The following MPP7 variants were observed in gnomAD, a reference collection of about 807,000 sequenced individuals.
The protein encoded by MPP7 is MAGUK p55 subfamily member 7.
A neutral mutation model predicts 76.5 loss-of-function variants in MPP7; 60 were observed. The observed-to-expected ratio is 0.78, with a 90% CI of 0.64 to 0.97. The LOEUF (loss-of-function observed/expected upper bound fraction) is 0.97. MPP7 is among the 50% of genes least tolerant of loss of function. The pLI is 0.00. For missense variants in MPP7, 641 were observed against 694.0 expected, an observed-to-expected ratio of 0.92 and a Z score of 0.86; for synonymous variants, 237 against 244.5, an observed-to-expected ratio of 0.97 and a Z score of 0.29.
At chr10:28,294,348 T>C (rs577070118) in intron 1 of MPP7, among the ~76,000 whole-genome samples, 25 of 152,288 alleles carry the variant, frequency 1.6e-4, no homozygotes, top group African/African-American at 5.8e-4. Context: ...AAAGTTGTCA[T>C]AGTACAGGCG....
chr10:28,190,454 C>T (rs983887795), intron 3 of MPP7, among the ~76,000 whole-genome samples: 2 of 152,092 alleles, frequency 1.3e-5, no homozygotes, highest in East Asian at 1.9e-4. Flanking sequence ...TAAATCTAAA[C>T]GAACAAAAAC....
chr10:28,273,716 T>C (rs1411674393), intron 1 of MPP7, among the ~76,000 whole-genome samples: 1 of 152,254 alleles, frequency 6.6e-6, no homozygotes, highest in Non-Finnish European at 1.5e-5. Flanking sequence ...TCCTCTTCTT[T>C]GCAGAACGCA....
At chr10:28,327,232 A>T (rs1834425392) in intron 2 of MPP7, among the ~76,000 whole-genome samples, 1 of 39,148 alleles carries the variant, frequency 2.6e-5, no homozygotes, top group Non-Finnish European at 4.7e-5. Context: ...TCAAAGAAGT[A>T]AAAAAAAAAA....
Position 28,261,645 on chromosome 10 carries a change from T to A in MPP7, c.-131-22910A>T, listed in dbSNP as rs1046593333. On this transcript the variant is annotated intron_variant, in intron 1 of 16. Transcript: ENST00000683449. The stretch of plus-strand genomic sequence containing the variant: ...CAGACACACCCCAATGACAATGACG[T>A]AGAACACCCTCCAATGTAGTACAAG... 3.5e-4 allele frequency among the ~76,000 whole-genome samples: 53 copies of A among 151,842 alleles called. 1 individual carries two copies. The highest frequency in any genetic ancestry group is 1.1e-3 in the African/African-American group (44 of 41,480).
At chr10:28,310,957 A>G (rs1841286481) in intron 2 of MPP7, among the ~76,000 whole-genome samples, 1 of 152,192 alleles carries the variant, frequency 6.6e-6, no homozygotes. Context: ...CTTAGCTAAA[A>G]TTACAGGTTT....
At chr10:28,161,918 T>A (rs934574570) in intron 3 of MPP7, among the ~76,000 whole-genome samples, 1 of 152,176 alleles carries the variant, frequency 6.6e-6, no homozygotes, top group Non-Finnish European at 1.5e-5. Context: ...AACAGATAGG[T>A]AAAATCTGAT....
At chr10:28,177,987 T>C (rs1836932632) in intron 3 of MPP7, among the ~76,000 whole-genome samples, 2 of 152,150 alleles carry the variant, frequency 1.3e-5, no homozygotes, top group Admixed American at 1.3e-4. Flanking sequence ...TGAAGAGCCA[T>C]GGAGAAAAAT....
At chr10:28,322,237 T>C (rs1834375284) in intron 2 of MPP7, among the ~76,000 whole-genome samples, 1 of 152,032 alleles carries the variant, frequency 6.6e-6, no homozygotes, top group African/African-American at 2.4e-5. Flanking sequence ...GATGGTGTGG[T>C]GCTGAAACAG....
At chr10:28,269,674 G>T (rs796081953) in intron 1 of MPP7, among the ~76,000 whole-genome samples, 1 of 151,496 alleles carries the variant, frequency 6.6e-6, no homozygotes, top group African/African-American at 2.4e-5. Flanking sequence ...CTAGAGGCAC[G>T]CACCACCACA....
At chr10:28,166,489 C>T (rs1836466281) in intron 3 of MPP7, among the ~76,000 whole-genome samples, 1 of 148,462 alleles carries the variant, frequency 6.7e-6, no homozygotes, top group Non-Finnish European at 1.5e-5. Flanking sequence ...CTCACCGCAA[C>T]CTCCACCTCC....
At chr10:28,147,617 T>C (rs1453534030) in intron 4 of MPP7, 54 bp from the exon 5 acceptor site, 7 of 1,489,642 alleles carry the variant, frequency 4.7e-6, no homozygotes, top group Non-Finnish European at 6.6e-6. Flanking sequence ...CATTGTGGGA[T>C]TGGGTGTGTG....
chr10:28,193,213 TTG>T (rs1340355169), intron 3 of MPP7, among the ~76,000 whole-genome samples: 1 of 139,184 alleles, frequency 7.2e-6, no homozygotes, highest in African/African-American at 3.1e-5. Flanking sequence ...GGTTGGTTTT[TTG>T]TTTTTTTTTT....
chr10:28,305,802 T>C (rs747281978), upstream of MPP7: 4 of 152,234 alleles, frequency 2.6e-5, no homozygotes, highest in Non-Finnish European at 4.4e-5. Context: ...GAAACAAATG[T>C]CTAATTAGTA....
intron 11 of MPP7, among the ~76,000 whole-genome samples, chr10:28,106,555 A>C (rs2133542798): frequency 6.6e-6 from 1 of 152,310 alleles, no homozygotes; most frequent in South Asian, 2.1e-4. Flanking sequence ...TGAAAGAAAA[A>C]GTTATTTAGA....
rs546523533 is a variant in MPP7, at chr10:28,270,386, T to C, written c.-131-31651A>G. Among the ~76,000 whole-genome samples the C allele has an allele frequency of 2.0e-5, 3 of 151,960 alleles. No individual in the cohort carries two copies. The South Asian group carries it at 6.2e-4, about 32-fold the overall frequency. Reference sequence around the variant, plus strand: ...ATCATGTTTAAAACTATTGTTTTAATTGAAGGGGAGTAGGAGGAAGCCAGG... The same window carrying C: ...ATCATGTTTAAAACTATTGTTTTAACTGAAGGGGAGTAGGAGGAAGCCAGG... On this transcript the variant is annotated intron_variant, in intron 1 of 16. Transcript: ENST00000683449.
intron 3 of MPP7, among the ~76,000 whole-genome samples, chr10:28,197,527 T>C (rs1837628240): frequency 6.6e-6 from 1 of 152,120 alleles, no homozygotes; most frequent in Non-Finnish European, 1.5e-5. Flanking sequence ...CAACTTAAGA[T>C]ACCAAATCCT....
At chr10:28,277,978 T>G (rs1205029773) in intron 1 of MPP7, among the ~76,000 whole-genome samples, 2 of 152,004 alleles carry the variant, frequency 1.3e-5, no homozygotes, top group Non-Finnish European at 1.5e-5. Context: ...TGAAGAGCTA[T>G]CCACGTGAAA....
In MPP7 at chr10:28,273,255, G is replaced by A. The variant is rs1840385501; in HGVS notation, c.-132+29606C>T. 2.0e-5 allele frequency among the ~76,000 whole-genome samples: 3 copies of A among 152,154 alleles called. No individual in the cohort carries two copies. The South Asian group carries it at 6.2e-4, about 32-fold the overall frequency. On this transcript the variant is annotated intron_variant, in intron 1 of 16. Coordinates refer to ENST00000683449, the MANE Select transcript of MPP7 (RefSeq NM_001318170.2). ...TTTAAACCATAAACAGTATTAGCCA[G>A]TATTAACAGTTCAAAAGCAATCTGG...
chr10:28,308,777 CA>C (rs200117685), intron 2 of MPP7, among the ~76,000 whole-genome samples: 129 of 141,344 alleles, frequency 9.1e-4, no homozygotes, highest in South Asian at 8.9e-4. Context: ...GACCCTGTCT[CA>C]AAAAAAAAAA....
Sources: allele counts gnomAD v4.1 joint callset (sites outside exome capture counted in the v4.1 genomes callset), GRCh38; gene constraint gnomAD v4.1.1; transcripts MANE v1.5; gene names NCBI Gene and HGNC (gene_info 2026-07-23, HGNC 2026-07-21).